Variants in CNDP2 observed in about 807,000 individuals in gnomAD.
CNDP2 encodes the protein carnosine dipeptidase 2.
In CNDP2, 38 loss-of-function variants were observed where a neutral mutation model predicts 55.0. That is an observed-to-expected ratio of 0.69 (90% CI 0.53 to 0.90). The LOEUF is 0.90. Ranked by LOEUF, CNDP2 falls within the 40% of genes least tolerant of loss-of-function variation. The pLI is 0.00. For missense variants in CNDP2, 607 were observed against 621.7 expected (o/e 0.98, Z 0.25); for synonymous variants, 241 against 260.2 (o/e 0.93, Z 0.71).
intron 6 of CNDP2, 70 bp downstream of exon 6, chr18:74,511,083 T>G (rs1979329506): frequency 2.2e-6 from 3 of 1,351,176 alleles, no homozygotes; most frequent in South Asian, 1.3e-5. Context: ...AAACGCAAAG[T>G]AGACAAGGAC....
intron 8 of CNDP2, among the ~76,000 whole-genome samples, chr18:74,514,518 G>A (rs1307753321): frequency 3.6e-5 from 5 of 137,422 alleles, no homozygotes; most frequent in Admixed American, 7.2e-5. Flanking sequence ...TACGTGGTAC[G>A]TATGTAAGTT....
chr18:74,510,710 G>C (rs893297923), intron 5 of CNDP2, 103 bp from the exon 6 acceptor site: 1 of 1,040,296 alleles, frequency 9.6e-7, no homozygotes, highest in South Asian at 1.5e-5. Flanking sequence ...CATGTGGTCT[G>C]TCTGGAGAAT....
rs972069969 is a variant in CNDP2, at chr18:74,519,747, C to T, written c.1359-252C>T. On this transcript the variant is annotated intron_variant, in intron 11 of 11. Coordinates refer to ENST00000324262, the MANE Select transcript of CNDP2 (RefSeq NM_018235.3). Reference sequence around the variant, plus strand: ...CGGATAATGGGAGGAGCCCACGATCCGAGCTTGACGTTTACTACCGGGGCA... The same window carrying T: ...CGGATAATGGGAGGAGCCCACGATCTGAGCTTGACGTTTACTACCGGGGCA... Among the ~76,000 whole-genome samples the T allele has an allele frequency of 9.8e-5, 15 of 152,318 alleles. 1 individual carries two copies. Among genetic ancestry groups the T allele is most frequent in the Admixed American group, 9.2e-4 (14 of 15,298 alleles).
chr18:74,500,166 T>A, intron 2 of CNDP2, 133 bp downstream of exon 2: 1 of 673,958 alleles, frequency 1.5e-6, no homozygotes, highest in Non-Finnish European at 2.4e-6. Context: ...GATCTGTTCA[T>A]TAGCTTCTTA....
rs770897034 is a variant in CNDP2, at chr18:74,510,914, G to T, written c.558G>T (p.Lys186Asn). The stretch of plus-strand genomic sequence containing the variant: ...TTGCCCGGAAAGACACATTCTTTAA[G>T]GATGTGGACTATGTCTGCATTTCTG... Reference protein sequence around the residue: ...LIFARKDTFFKDVDYVCISDN... With the variant: ...LIFARKDTFFNDVDYVCISDN... The change falls in exon 6 of 12, where the codon AAG (lysine) becomes AAT (asparagine). Residue 186 changes from lysine (K) to asparagine (N), a missense_variant. Coordinates refer to ENST00000324262, the MANE Select transcript of CNDP2 (RefSeq NM_018235.3). 5.6e-6 allele frequency: 9 copies of T among 1,614,116 alleles called. No homozygotes were observed. The highest frequency in any genetic ancestry group is 7.6e-6 in the Non-Finnish European group (9 of 1,180,048).
At chr18:74,513,428 C>A in intron 7 of CNDP2, 131 bp from the exon 8 acceptor site, 1 of 963,458 alleles carries the variant, frequency 1.0e-6, no homozygotes, top group Non-Finnish European at 1.5e-6. Flanking sequence ...TTGGCCCCTC[C>A]TCAGCCACGT....
intron 3 of CNDP2, 23 bp from the exon 4 acceptor site, chr18:74,505,826 G>A (rs745705969): frequency 1.2e-6 from 2 of 1,612,690 alleles, no homozygotes; most frequent in South Asian, 2.2e-5. Context: ...GCTGTCCTTG[G>A]TTCCTTTCCT....
chr18:74,515,268 G>A (rs890294405), intron 8 of CNDP2, among the ~76,000 whole-genome samples: 2 of 152,170 alleles, frequency 1.3e-5, no homozygotes, highest in Admixed American at 1.3e-4. Context: ...GTGGAGCTAG[G>A]AGACCCGTTA....
At chr18:74,512,248 A>G (rs1979393557) in intron 6 of CNDP2, 200 bp from the exon 7 acceptor site, 1 of 557,606 alleles carries the variant, frequency 1.8e-6, no homozygotes, top group Admixed American at 3.2e-5. Flanking sequence ...TGGTTGGCAT[A>G]TGCCACAGAT....
chr18:74,520,062 G>A lies in CNDP2; in HGVS notation c.1422G>A (p.Lys474=), dbSNP rs116609423. 1.3e-4 allele frequency: 215 copies of A among 1,614,162 alleles called. 4 individuals carry two copies. The African/African-American group carries it at 2.6e-3, about 19-fold the overall frequency. The part of the protein sequence containing the change: ...AAYLYEVSQL[K]D ...ACCTGTATGAGGTCTCCCAGCTGAA[G>A]GACTAGGCCAAGCCCTCTGTGTGCC... The change falls in exon 12 of 12, where the codon AAG becomes AAA. Residue 474 remains lysine (K), a synonymous_variant. Coordinates refer to ENST00000324262, the MANE Select transcript of CNDP2 (RefSeq NM_018235.3).
chr18:74,519,431 C>A (rs1481482533), intron 11 of CNDP2, among the ~76,000 whole-genome samples: 1 of 152,210 alleles, frequency 6.6e-6, no homozygotes, highest in Non-Finnish European at 1.5e-5. Flanking sequence ...TTTGACACAT[C>A]CCTGACTTGG....
At chr18:74,511,193 C>T in intron 6 of CNDP2, 180 bp downstream of exon 6, 1 of 599,706 alleles carries the variant, frequency 1.7e-6, no homozygotes. Flanking sequence ...TGGACAGCAA[C>T]ACTTCCAGTG....
chr18:74,519,908 C>A, intron 11 of CNDP2, 91 bp from the exon 12 acceptor site: 1 of 1,153,468 alleles, frequency 8.7e-7, no homozygotes, highest in Non-Finnish European at 1.3e-6. Flanking sequence ...AGGAAGAAGG[C>A]AGAGTGTGTC....
At chr18:74,506,721 G>A (rs1034937498) in intron 4 of CNDP2, among the ~76,000 whole-genome samples, 4 of 152,178 alleles carry the variant, frequency 2.6e-5, no homozygotes, top group African/African-American at 7.2e-5. Context: ...TGGGGGTGGC[G>A]ATGTCCCTGT....
At chr18:74,516,698 C>A in intron 9 of CNDP2, 1 of 269,750 alleles carries the variant, frequency 3.7e-6, no homozygotes, top group South Asian at 8.8e-5. Context: ...CCAGAGCCGC[C>A]CCTTACCATG....
chr18:74,518,760 A>C, intron 10 of CNDP2, 120 bp downstream of exon 10: 1 of 1,461,898 alleles, frequency 6.8e-7, no homozygotes, highest in South Asian at 1.2e-5. Context: ...GGGGGCGTGT[A>C]GTTAAGTCAG....
intron 3 of CNDP2, among the ~76,000 whole-genome samples, 199 bp downstream of exon 3, chr18:74,501,671 C>T (rs1241146224): frequency 1.3e-5 from 2 of 152,114 alleles, no homozygotes; most frequent in Non-Finnish European, 2.9e-5. Context: ...TTTTGTGGCA[C>T]TCAGCATTTT....
At chr18:74,498,329 T>C (rs899024502) in intron 1 of CNDP2, among the ~76,000 whole-genome samples, 2 of 152,194 alleles carry the variant, frequency 1.3e-5, no homozygotes, top group African/African-American at 4.8e-5. Context: ...TACTGGATGC[T>C]GTAGGCAGTT....
At position 74,500,169 on chromosome 18, in the gene CNDP2, GCTT is replaced by G. The variant is rs1467029336; in HGVS notation, c.60+140_60+142del. 5 of 661,330 alleles carry G rather than the reference GCTT, an allele frequency of 7.6e-6. No individual in the cohort carries two copies. In the Admixed American group the frequency reaches 1.7e-4, roughly 22 times the overall value. 41.0% of individuals were successfully genotyped at this position (661,330 alleles called of 1,614,324 possible). A position where few individuals can be genotyped will look rare whatever the true frequency, so the allele number is the denominator to read the frequency against. On this transcript the variant is annotated intron_variant, in intron 2 of 11. Coordinates refer to ENST00000324262, the MANE Select transcript of CNDP2 (RefSeq NM_018235.3). ...GATCTGCCTAGAGATCTGTTCATTA[GCTT>G]CTTATTATGGCATAGGTTACACTTT...
Sources: gnomAD v4.1 joint callset for allele counts (sites outside exome capture counted in the v4.1 genomes callset) on GRCh38, gnomAD v4.1.1 for gene constraint, MANE v1.5 for transcripts, NCBI Gene and HGNC (gene_info 2026-07-23, HGNC 2026-07-21) for gene names.